VPS13C: variants seen among roughly 807,000 people sequenced by gnomAD.
The protein encoded by VPS13C is vacuolar protein sorting 13 homolog C, also known as intermembrane lipid transfer protein VPS13C.
A neutral mutation model predicts 456.8 loss-of-function variants in VPS13C; 358 were observed. That is an observed-to-expected ratio of 0.78 (90% CI 0.72 to 0.86). The LOEUF (loss-of-function observed/expected upper bound fraction) is 0.86. VPS13C is among the 40% of genes least tolerant of loss of function. The pLI is 0.00. For missense variants in VPS13C, 4,818 were observed against 4,385.4 expected (o/e 1.10, Z -2.79); for synonymous variants, 1,578 against 1,486.7 (o/e 1.06, Z -1.41).
rs1490350095 is a variant in VPS13C, at chr15:61,886,696, T to G, written c.9342-2427A>C. ...GTTAGATTTGGCTCATAGGCCAAAC[T>G]TTGCTGGCACCTGAATTAGAGAATA... On this transcript the variant is annotated intron_variant, in intron 67 of 84. Transcript: ENST00000644861. Among the ~76,000 whole-genome samples the G allele has an allele frequency of 5.9e-5, 9 of 152,274 alleles. No homozygotes were observed. The South Asian group carries it at 1.9e-3, about 32-fold the overall frequency.
chr15:61,931,579 CT>C (rs375639929), intron 49 of VPS13C, among the ~76,000 whole-genome samples: 1,628 of 137,936 alleles, frequency 0.012, 18 homozygotes, highest in African/African-American at 0.037. Context: ...TAAATTTTTT[CT>C]TTTTTTTTTT....
intron 6 of VPS13C, among the ~76,000 whole-genome samples, chr15:62,028,070 T>TA (rs1371495070): frequency 1.3e-5 from 2 of 152,064 alleles, no homozygotes; most frequent in Non-Finnish European, 2.9e-5. Context: ...CTGAAAGTTA[T>TA]CTGTAGTTCA....
intron 15 of VPS13C, 61 bp from the exon 16 acceptor site, chr15:62,000,687 C>A: frequency 6.9e-7 from 1 of 1,451,806 alleles, no homozygotes; most frequent in Non-Finnish European, 9.3e-7. Flanking sequence ...AGAAATTTTT[C>A]TTTCATGATT....
At chr15:61,966,778 G>C (rs963467763) in intron 29 of VPS13C, among the ~76,000 whole-genome samples, 2 of 151,740 alleles carry the variant, frequency 1.3e-5, no homozygotes, top group Non-Finnish European at 2.9e-5. Context: ...ATTTACTTGT[G>C]TTATCTCCCT....
At chr15:62,044,896 C>G (rs1477379327) in intron 1 of VPS13C, among the ~76,000 whole-genome samples, 1 of 152,058 alleles carries the variant, frequency 6.6e-6, no homozygotes. Flanking sequence ...AAAAAGTTTT[C>G]ATTTCACTTA....
At chr15:61,968,079 C>T (rs573656904) in intron 28 of VPS13C, among the ~76,000 whole-genome samples, 1 of 152,032 alleles carries the variant, frequency 6.6e-6, no homozygotes, top group African/African-American at 2.4e-5. Flanking sequence ...ATTTTTCCCT[C>T]AAGACAATAA....
intron 1 of VPS13C, among the ~76,000 whole-genome samples, chr15:62,049,971 G>C (rs190513696): frequency 6.6e-6 from 1 of 152,292 alleles, no homozygotes; most frequent in Admixed American, 6.5e-5. Context: ...AGACTTTGCT[G>C]AAGTTGCTTA....
At chr15:62,057,839 T>A (rs1596548597) in intron 1 of VPS13C, among the ~76,000 whole-genome samples, 1 of 152,244 alleles carries the variant, frequency 6.6e-6, no homozygotes, top group South Asian at 2.1e-4. Context: ...CTCCTCAATG[T>A]CATGGTAAAA....
rs535587417 is a variant in VPS13C at position 62,026,073 on chromosome 15, T to C, written c.449-2228A>G. ...CTTCTGCCTTCAACCTGTTGAGATA[T>C]GTTGTTTTAATTGAAGTACATGATG... On this transcript the variant is annotated intron_variant, in intron 6 of 84. Coordinates refer to ENST00000644861, the MANE Select transcript of VPS13C (RefSeq NM_020821.3). 8.1e-5 allele frequency among the ~76,000 whole-genome samples: 12 copies of C among 149,048 alleles called. No individual in the cohort carries two copies. In the South Asian group the frequency reaches 2.6e-3, roughly 32 times the overall value.
At chr15:62,003,171 T>C (rs2046698498) in intron 15 of VPS13C, among the ~76,000 whole-genome samples, 2 of 152,020 alleles carry the variant, frequency 1.3e-5, no homozygotes, top group Non-Finnish European at 2.9e-5. Context: ...TTCTTCCATT[T>C]GTTTGTGTCC....
intron 37 of VPS13C, among the ~76,000 whole-genome samples, chr15:61,957,197 A>G (rs1223567412): frequency 6.6e-6 from 1 of 152,152 alleles, no homozygotes; most frequent in East Asian, 1.9e-4. Flanking sequence ...GAAGCCAAAC[A>G]TCGAAGAGTA....
At chr15:61,908,900 T>C (rs1367385971) in intron 65 of VPS13C, 92 bp downstream of exon 65, 24 of 1,466,652 alleles carry the variant, frequency 1.6e-5, no homozygotes, top group Non-Finnish European at 2.2e-5. Context: ...CTTTCTAAAA[T>C]CTAAAAACAT....
chr15:62,026,497 C>T (rs1250650378), intron 6 of VPS13C, among the ~76,000 whole-genome samples: 1 of 152,034 alleles, frequency 6.6e-6, no homozygotes, highest in African/African-American at 2.4e-5. Context: ...CTCAAGAGCT[C>T]AAATTTTATC....
At chr15:61,990,410 T>G (rs2046188155) in intron 18 of VPS13C, among the ~76,000 whole-genome samples, 1 of 152,164 alleles carries the variant, frequency 6.6e-6, no homozygotes, top group Non-Finnish European at 1.5e-5. Context: ...ATGTTATGCT[T>G]CACAAGTTGA....
chr15:61,880,543 C>T, intron 73 of VPS13C, 66 bp downstream of exon 73: 1 of 1,109,976 alleles, frequency 9.0e-7, no homozygotes, highest in East Asian at 2.6e-5. Context: ...CTACCTTGGT[C>T]CACAGACCCT....
chr15:61,877,904 T>C (rs890739880), intron 74 of VPS13C, among the ~76,000 whole-genome samples: 3 of 151,986 alleles, frequency 2.0e-5, no homozygotes, highest in African/African-American at 7.2e-5. Flanking sequence ...TCTAGGTTTT[T>C]CTTCTCAATG....
chr15:61,970,709 T>C (rs764128324), intron 27 of VPS13C, among the ~76,000 whole-genome samples: 11 of 151,932 alleles, frequency 7.2e-5, no homozygotes, highest in Non-Finnish European at 1.3e-4. Flanking sequence ...GGGTATTCTG[T>C]TATAGTAACA....
chr15:62,029,937 T>C (rs1191242612), intron 5 of VPS13C, among the ~76,000 whole-genome samples: 1 of 151,942 alleles, frequency 6.6e-6, no homozygotes, highest in East Asian at 1.9e-4. Context: ...GGAAAACAAA[T>C]GAGTAAACTA....
At chr15:61,989,188 T>C (rs190083736) in intron 18 of VPS13C, among the ~76,000 whole-genome samples, 443 of 150,426 alleles carry the variant, frequency 2.9e-3, no homozygotes, top group Non-Finnish European at 4.6e-3. Context: ...CTCAGGAGTT[T>C]GAGACCAGCC....
Sources: gnomAD v4.1 joint callset for allele counts (sites outside exome capture counted in the v4.1 genomes callset) on GRCh38, gnomAD v4.1.1 for gene constraint, MANE v1.5 for transcripts, NCBI Gene and HGNC (gene_info 2026-07-23, HGNC 2026-07-21) for gene names.